Variants in TESK2 observed in about 807,000 individuals in gnomAD.
TESK2 encodes the protein dual specificity testis-specific protein kinase 2.
Under a neutral mutation model 57.1 loss-of-function variants are expected in TESK2, and 39 were observed. The ratio of observed to expected loss-of-function variants is 0.68; its 90% confidence interval spans 0.53 to 0.89. TESK2 has a LOEUF of 0.89. TESK2 is among the 40% of genes least tolerant of loss of function. The pLI, the probability that TESK2 is intolerant of heterozygous loss-of-function variation, is 0.00. For synonymous variants in TESK2, 249 were observed against 267.9 expected (o/e 0.93, Z 0.69); for missense variants, 646 against 732.1 (o/e 0.88, Z 1.36).
Position 45,347,010 on chromosome 1 carries a change from T to C in TESK2, c.761A>G (p.Gln254Arg). Residue 254 changes from glutamine to arginine, a missense_variant, in exon 8 of 11, where the codon CAG becomes CGG. Physicochemically the swap from Gln to Arg is conservative, Grantham distance 43. Coordinates refer to ENST00000372086, the MANE Select transcript of TESK2 (RefSeq NM_007170.3). ...IILCEIIARI[Q>R]ADPDYLPRTE... is the part of the protein sequence containing the mutation. ...GCGGGGAAGATAGTCCGGATCGGCC[T>C]GGATGCGGGCGATGATCTCGCAGAG... 6.2e-7 allele frequency: 1 copy of C among 1,614,220 alleles called. No homozygotes were observed. The highest frequency in any genetic ancestry group is 8.5e-7 in the Non-Finnish European group (1 of 1,180,042).
In TESK2 at chr1:45,343,914, G is replaced by T; in HGVS notation, c.*926C>A. On this transcript the variant is annotated 3_prime_UTR_variant, in exon 11 of 11. Coordinates refer to ENST00000372086, the MANE Select transcript of TESK2 (RefSeq NM_007170.3). The surrounding 1 kb of genome is among the most constrained non-coding windows in gnomAD (Gnocchi z 4.3). ...TAACACTGACTTTATTTTTAAGTCTGAAAATGTCTTGGGAAAGTTTTACAA... is the reference window on the plus strand; with the variant it reads ...TAACACTGACTTTATTTTTAAGTCTTAAAATGTCTTGGGAAAGTTTTACAA... 1 of 444,470 alleles carries T rather than the reference G, an allele frequency of 2.2e-6. No homozygotes were observed. The allele number at this position is 444,470 out of a possible 1,614,324, so 27.5% of individuals were successfully genotyped here.
intron 1 of TESK2, among the ~76,000 whole-genome samples, chr1:45,466,272 C>G (rs1354369468): frequency 3.3e-5 from 5 of 152,038 alleles, no homozygotes; most frequent in Admixed American, 2.6e-4. Flanking sequence ...GTCAAGAGAT[C>G]GAGACCATCC....
At chr1:45,478,208 C>G (rs1403240921) in intron 1 of TESK2, among the ~76,000 whole-genome samples, 2 of 152,206 alleles carry the variant, frequency 1.3e-5, no homozygotes, top group African/African-American at 4.8e-5. Flanking sequence ...TATTCTTTCT[C>G]CCTGGTGTGT....
chr1:45,433,143 C>T (rs1470706301), intron 2 of TESK2, among the ~76,000 whole-genome samples: 3 of 134,570 alleles, frequency 2.2e-5, no homozygotes, highest in Non-Finnish European at 4.6e-5. Flanking sequence ...GGTGCAATCT[C>T]GGCTCACTGC....
chr1:45,466,587 C>A (rs1652562226), intron 1 of TESK2, among the ~76,000 whole-genome samples: 1 of 151,424 alleles, frequency 6.6e-6, no homozygotes. Context: ...GAGGTCAAGG[C>A]TGCAGTGAGC....
intron 4 of TESK2, among the ~76,000 whole-genome samples, chr1:45,371,249 C>T (rs200484210): frequency 6.6e-6 from 1 of 152,172 alleles, no homozygotes; most frequent in African/African-American, 2.4e-5. Context: ...AATCCTACTT[C>T]TGGGTATGTA....
intron 2 of TESK2, among the ~76,000 whole-genome samples, chr1:45,443,118 AGAG>A (rs1651508667): frequency 7.0e-6 from 1 of 142,024 alleles, no homozygotes; most frequent in Non-Finnish European, 1.6e-5. Context: ...CACACTTAAA[AGAG>A]GAGATTTTCT....
chr1:45,436,479 T>A (rs1349042398), intron 2 of TESK2, among the ~76,000 whole-genome samples: 5 of 1,554 alleles, frequency 3.2e-3, no homozygotes, highest in Admixed American at 0.032. Context: ...GTGCCTGGCC[T>A]TTTTTTTTTT....
intron 1 of TESK2, among the ~76,000 whole-genome samples, chr1:45,476,466 C>T (rs751832806): frequency 1.3e-5 from 2 of 151,432 alleles, no homozygotes; most frequent in Non-Finnish European, 2.9e-5. Context: ...AAGATGACAC[C>T]ACCGCACTCC....
At chr1:45,425,757 C>G (rs1084164) in intron 2 of TESK2, among the ~76,000 whole-genome samples, 148,248 of 152,268 alleles carry the variant, frequency 0.97, 72,306 homozygotes, top group East Asian at 1. Flanking sequence ...TGAATTGCAA[C>G]AATCGGTATT....
intron 3 of TESK2, among the ~76,000 whole-genome samples, chr1:45,413,606 C>T (rs994704133): frequency 2.0e-5 from 3 of 150,556 alleles, no homozygotes; most frequent in African/African-American, 4.8e-5. Flanking sequence ...TCCTTCATTT[C>T]TCTCTCTCTC....
chr1:45,447,504 T>A (rs550962032), intron 2 of TESK2, among the ~76,000 whole-genome samples: 35 of 152,254 alleles, frequency 2.3e-4, no homozygotes, highest in Non-Finnish European at 4.3e-4. Flanking sequence ...CATGGAGCTA[T>A]CATATCCTAT....
At chr1:45,477,202 C>A (rs1449251044) in intron 1 of TESK2, among the ~76,000 whole-genome samples, 4 of 151,344 alleles carry the variant, frequency 2.6e-5, no homozygotes, top group Non-Finnish European at 4.4e-5. Context: ...CACTGCACTC[C>A]AGCCTGGGTG....
chr1:45,489,392 T>A (rs529538204), intron 1 of TESK2, among the ~76,000 whole-genome samples: 1 of 152,246 alleles, frequency 6.6e-6, no homozygotes, highest in East Asian at 1.9e-4. Context: ...CACACAAATA[T>A]CCCCCATATA....
chr1:45,406,467 G>C (rs1379892368), intron 3 of TESK2, among the ~76,000 whole-genome samples: 2 of 152,036 alleles, frequency 1.3e-5, no homozygotes, highest in Non-Finnish European at 2.9e-5. Flanking sequence ...GCAACATAGA[G>C]AGACCTTGTC....
intron 10 of TESK2, 135 bp downstream of exon 10, chr1:45,345,742 T>G (rs191521447): frequency 2.2e-6 from 2 of 904,100 alleles, no homozygotes; most frequent in Non-Finnish European, 3.5e-6. Context: ...GGCCAGTACT[T>G]TCTGCATCAT....
At chr1:45,350,413 T>C (rs1191646782) in intron 5 of TESK2, among the ~76,000 whole-genome samples, 1 of 152,108 alleles carries the variant, frequency 6.6e-6, no homozygotes, top group Non-Finnish European at 1.5e-5. Flanking sequence ...TCTAAAGCTG[T>C]TTCTGCAACA....
At chr1:45,379,897 AT>A (rs575399398) in intron 4 of TESK2, among the ~76,000 whole-genome samples, 1,866 of 150,314 alleles carry the variant, frequency 0.012, 26 homozygotes, top group Non-Finnish European at 0.017. Context: ...TTTTTTTTAA[AT>A]TTTTTTTTTA....
In TESK2 at chr1:45,439,743, C is replaced by T. The variant is rs12402281; in HGVS notation, c.222+17821G>A. The stretch of plus-strand genomic sequence containing the variant: ...GCTGAGACAGGAGAATTGCTTGAGC[C>T]CGGGAGTTCAAGACAAGGCTGGGCA... On this transcript the variant is annotated intron_variant, in intron 2 of 10. Coordinates refer to ENST00000372086, the MANE Select transcript of TESK2 (RefSeq NM_007170.3). Among the ~76,000 whole-genome samples, 789 of 152,134 alleles carry T rather than the reference C, an allele frequency of 5.2e-3. 21 individuals carry two copies. The East Asian group carries it at 0.058, about 11-fold the overall frequency.
Sources: allele counts gnomAD v4.1 joint callset (sites outside exome capture counted in the v4.1 genomes callset), GRCh38; gene constraint gnomAD v4.1.1; non-coding constraint Gnocchi (gnomAD v3.1); transcripts MANE v1.5; gene names NCBI Gene and HGNC (gene_info 2026-07-23, HGNC 2026-07-21).